The following SLC5A4 variants were observed in gnomAD, a reference collection of about 807,000 sequenced individuals.
The protein encoded by SLC5A4 is probable glucose sensor protein SLC5A4.
A neutral mutation model predicts 70.3 loss-of-function variants in SLC5A4; 55 were observed. The observed-to-expected ratio is 0.78, with a 90% CI of 0.63 to 0.98. The LOEUF (loss-of-function observed/expected upper bound fraction) is 0.98, where lower values mean the gene tolerates loss of function less well. Among genes scored for constraint, SLC5A4 ranks in the 50% least tolerant of loss-of-function variants. The probability of loss-of-function intolerance (pLI) is 0.00; values close to 1 mark genes in which losing one functional copy is unlikely to be tolerated. For synonymous variants in SLC5A4, 268 were observed against 305.7 expected (o/e 0.88, Z 1.29); for missense variants, 735 against 839.2 (o/e 0.88, Z 1.53).
At chr22:32,309,519 C>T in the SLC5A4 span, among the ~76,000 whole-genome samples, 3 of 152,154 alleles carry the variant, frequency 2.0e-5, no homozygotes, top group Non-Finnish European at 2.9e-5. Context: ...TACCCTGCAT[C>T]TTGTTTCTCA....
At chr22:32,271,283 C>A in the SLC5A4 span, 1 of 754,616 alleles carries the variant, frequency 1.3e-6, no homozygotes. Flanking sequence ...GAGCCCACCA[C>A]ACAGGGCGAG....
At chr22:32,291,681 T>C in the SLC5A4 span, among the ~76,000 whole-genome samples, 73,401 of 151,814 alleles carry the variant, frequency 0.48, 17,875 homozygotes, top group Admixed American at 0.52. Flanking sequence ...AGCACTTATT[T>C]ATCTGAATCA....
the SLC5A4 span, among the ~76,000 whole-genome samples, chr22:32,352,933 C>A: frequency 6.6e-6 from 1 of 152,232 alleles, no homozygotes; most frequent in African/African-American, 2.4e-5. Context: ...GCGAGGCGAG[C>A]GGTGGTGCCA....
At chr22:32,290,068 G>C in the SLC5A4 span, among the ~76,000 whole-genome samples, 8 of 114,424 alleles carry the variant, frequency 7.0e-5, no homozygotes, top group African/African-American at 2.6e-4. Context: ...GTAGGGCCTG[G>C]GTTTTTCTTT....
At chr22:32,271,773 G>C in the SLC5A4 span, 95 of 593,006 alleles carry the variant, frequency 1.6e-4, 1 homozygote, top group African/African-American at 1.5e-3. Context: ...TACTTCAACA[G>C]ACAGGGCAAA....
At chr22:32,337,817 C>T in the SLC5A4 span, among the ~76,000 whole-genome samples, 1 of 151,970 alleles carries the variant, frequency 6.6e-6, no homozygotes, top group Non-Finnish European at 1.5e-5. Flanking sequence ...TTCCACCATA[C>T]AGACACAACA....
At chr22:32,271,879 C>G in the SLC5A4 span, 36,041 of 593,664 alleles carry the variant, frequency 0.061, 1,870 homozygotes, top group Admixed American at 0.19. Context: ...GTGTGGCTTA[C>G]CATGTGGAGT....
At chr22:32,262,759 CATTTTT>C in the SLC5A4 span, among the ~76,000 whole-genome samples, 6 of 151,914 alleles carry the variant, frequency 3.9e-5, no homozygotes, top group East Asian at 1.9e-4. Context: ...TACATCACTA[CATTTTT>C]ATTTTTATTT....
In SLC5A4 at chr22:32,255,299, C is replaced by G; in HGVS notation, c.31G>C (p.Ala11Pro). The change falls in exon 1 of 15, where the codon GCT becomes CCT. Residue 11 changes from alanine to proline, a missense_variant. Physicochemically the swap from Ala to Pro is conservative, Grantham distance 27. Transcript: ENST00000266086. MASTVSPSTIAETPEPPPLSD... is the reference protein window; with the variant it reads MASTVSPSTIPETPEPPPLSD... ...AATGGAGGTGGCTCTGGGGTCTCAG[C>G]TATGGTGCTGGGGCTAACCGTACTG... The G allele has an allele frequency of 6.2e-7, 1 of 1,614,166 alleles. No individual in the cohort carries two copies. Among genetic ancestry groups the G allele is most frequent in the Non-Finnish European group, 8.5e-7 (1 of 1,180,028 alleles).
At chr22:32,308,408 G>A in the SLC5A4 span, among the ~76,000 whole-genome samples, 2 of 152,154 alleles carry the variant, frequency 1.3e-5, no homozygotes, top group East Asian at 3.9e-4. Flanking sequence ...GGATGTAAAG[G>A]GCCTGGCGCC....
intron 4 of SLC5A4, 77 bp downstream of exon 4, chr22:32,248,666 T>A: frequency 9.9e-7 from 1 of 1,009,086 alleles, no homozygotes; most frequent in Non-Finnish European, 1.6e-6. Context: ...ATACTCATTG[T>A]CTCAGTGATT....
chr22:32,338,759 G>T, the SLC5A4 span, among the ~76,000 whole-genome samples: 2 of 152,182 alleles, frequency 1.3e-5, no homozygotes, highest in African/African-American at 4.8e-5. Flanking sequence ...CACTCCACCA[G>T]CCCTTTGGGA....
At chr22:32,235,602 A>G (rs187563545) in intron 7 of SLC5A4, among the ~76,000 whole-genome samples, 1 of 152,212 alleles carries the variant, frequency 6.6e-6, no homozygotes, top group Admixed American at 6.5e-5. Context: ...TGTTACAATA[A>G]AAAATTGGAA....
chr22:32,278,630 G>A, the SLC5A4 span, among the ~76,000 whole-genome samples: 358 of 152,250 alleles, frequency 2.4e-3, 2 homozygotes, highest in African/African-American at 8.2e-3. Flanking sequence ...TGTGACGTGT[G>A]TAAGATTTTA....
At chr22:32,292,475 C>T in the SLC5A4 span, among the ~76,000 whole-genome samples, 72,166 of 149,176 alleles carry the variant, frequency 0.48, 17,584 homozygotes, top group Admixed American at 0.52. Flanking sequence ...GCATTCATCC[C>T]CAGAGAACAC....
the SLC5A4 span, among the ~76,000 whole-genome samples, chr22:32,333,983 G>A: frequency 7.0e-6 from 1 of 142,232 alleles, no homozygotes; most frequent in Non-Finnish European, 1.5e-5. Context: ...CACACACCAT[G>A]CAACACAGAC....
chr22:32,269,447 C>A, the SLC5A4 span: 2 of 502,134 alleles, frequency 4.0e-6, no homozygotes, highest in Non-Finnish European at 7.8e-6. The surrounding 1 kb of genome is among the most constrained non-coding windows in gnomAD (Gnocchi z 4.1). Flanking sequence ...GCAGTTCCTG[C>A]ACGGCTACTA....
chr22:32,343,882 T>A, the SLC5A4 span, among the ~76,000 whole-genome samples: 1 of 152,226 alleles, frequency 6.6e-6, no homozygotes, highest in Non-Finnish European at 1.5e-5. Flanking sequence ...TGGTTTGTTA[T>A]ATTGAACTCA....
At chr22:32,259,112 C>G (rs1318466024), upstream of SLC5A4, among the ~76,000 whole-genome samples, 1 of 152,132 alleles carries the variant, frequency 6.6e-6, no homozygotes, top group Non-Finnish European at 1.5e-5. Flanking sequence ...CAGAAAGTTC[C>G]AGTTAAACAA....
Sources: gnomAD v4.1 joint callset for allele counts (sites outside exome capture counted in the v4.1 genomes callset) on GRCh38, gnomAD v4.1.1 for gene constraint, Gnocchi (gnomAD v3.1) non-coding constraint, MANE v1.5 for transcripts, NCBI Gene and HGNC (gene_info 2026-07-23, HGNC 2026-07-21) for gene names.